Variants in PPFIA2 observed in about 807,000 individuals in gnomAD.
The protein encoded by PPFIA2 is liprin-alpha-2.
Under a neutral mutation model 175.5 loss-of-function variants are expected in PPFIA2, and 46 were observed. That is an observed-to-expected ratio of 0.26 (90% CI 0.21 to 0.34). The LOEUF is 0.34. Among genes scored for constraint, PPFIA2 ranks in the 10% least tolerant of loss-of-function variants. The pLI is 1.00. For synonymous variants in PPFIA2, 568 were observed against 511.4 expected, an observed-to-expected ratio of 1.11 and a Z score of -1.49; for missense variants, 1,179 against 1,506.1, an observed-to-expected ratio of 0.78 and a Z score of 3.60.
At chr12:81,454,993 C>A (rs1189079068) in intron 5 of PPFIA2, among the ~76,000 whole-genome samples, 1 of 152,138 alleles carries the variant, frequency 6.6e-6, no homozygotes, top group Non-Finnish European at 1.5e-5. Flanking sequence ...AGGTTACAGG[C>A]ATGTGCCACC....
At chr12:81,366,157 CATACAGTT>C (rs1244650289) in intron 14 of PPFIA2, among the ~76,000 whole-genome samples, 1 of 150,030 alleles carries the variant, frequency 6.7e-6, no homozygotes, top group Non-Finnish European at 1.5e-5. Flanking sequence ...CTTTTCTCAA[CATACAGTT>C]ATAGATCACT....
chr12:81,513,222 T>C (rs1227144642), intron 4 of PPFIA2, among the ~76,000 whole-genome samples: 1 of 152,008 alleles, frequency 6.6e-6, no homozygotes, highest in Non-Finnish European at 1.5e-5. Context: ...CTTGCAGGGA[T>C]GTACATAATT....
chr12:81,299,365 T>A lies in PPFIA2; in HGVS notation c.2660A>T (p.Glu887Val). 1.3e-6 allele frequency: 2 copies of A among 1,589,814 alleles called. No homozygotes were observed. The highest frequency in any genetic ancestry group is 2.3e-5 in the South Asian group (2 of 87,012). The change falls in exon 23 of 33, where the codon GAA (glutamate) becomes GTA (valine). Residue 887 changes from glutamate (E) to valine (V), a missense_variant. Glu to Val is a moderately radical substitution (Grantham distance 121). This residue lies in a region of PPFIA2 where 44 missense variants were observed against 81.3 expected (regional missense o/e 0.54). Transcript: ENST00000549396. ...RLKKKHELLEEARRKGLPFAQ... is the reference protein window; with the variant it reads ...RLKKKHELLEVARRKGLPFAQ... ...AAAAGGTAATCCCTTTCTCCGAGCT[T>A]CTTCAAGAAGTTCATGCCTGAAGTA...
chr12:81,663,562 T>C (rs967615548), intron 4 of PPFIA2, among the ~76,000 whole-genome samples: 3 of 152,156 alleles, frequency 2.0e-5, no homozygotes, highest in Admixed American at 2.0e-4. Context: ...TGGAAGAACA[T>C]TCCATGCTCA....
intron 7 of PPFIA2, among the ~76,000 whole-genome samples, chr12:81,434,073 T>C (rs1306692215): frequency 6.6e-6 from 1 of 151,852 alleles, no homozygotes; most frequent in Non-Finnish European, 1.5e-5. Flanking sequence ...TTAGGAAAAA[T>C]GTTGCCTTCT....
intron 7 of PPFIA2, chr12:81,430,193 T>C (rs12578559): frequency 0.32 from 48,125 of 151,902 alleles, 7,932 homozygotes; most frequent in East Asian, 0.5. Context: ...TTTCATGTCC[T>C]TCATTTGTGG....
chr12:81,624,599 T>C (rs1389023259), intron 4 of PPFIA2, among the ~76,000 whole-genome samples: 1 of 146,286 alleles, frequency 6.8e-6, no homozygotes, highest in Non-Finnish European at 1.5e-5. Context: ...ATATCATATA[T>C]TAATGATAAT....
At chr12:81,439,399 T>G (rs1247170735) in intron 7 of PPFIA2, among the ~76,000 whole-genome samples, 1 of 151,868 alleles carries the variant, frequency 6.6e-6, no homozygotes, top group Non-Finnish European at 1.5e-5. Flanking sequence ...TACCTAATTA[T>G]CCAAGATAAT....
At chr12:81,594,772 G>T (rs1403136544) in intron 4 of PPFIA2, among the ~76,000 whole-genome samples, 1 of 152,002 alleles carries the variant, frequency 6.6e-6, no homozygotes, top group Non-Finnish European at 1.5e-5. Flanking sequence ...AAGTAACTGG[G>T]TGTGGTGGTG....
intron 3 of PPFIA2, among the ~76,000 whole-genome samples, chr12:81,730,630 GAC>G (rs2080759320): frequency 6.6e-6 from 1 of 151,614 alleles, no homozygotes; most frequent in Non-Finnish European, 1.5e-5. Flanking sequence ...TTTGGGTGGG[GAC>G]ACAGAGCTAT....
At chr12:81,616,489 T>C (rs1311515419) in intron 4 of PPFIA2, among the ~76,000 whole-genome samples, 1 of 152,148 alleles carries the variant, frequency 6.6e-6, no homozygotes, top group East Asian at 1.9e-4. Context: ...CAAAACTTCA[T>C]TTTTACATAT....
intron 4 of PPFIA2, among the ~76,000 whole-genome samples, chr12:81,560,861 TAAATC>T (rs2069908057): frequency 6.6e-6 from 1 of 152,166 alleles, no homozygotes; most frequent in Non-Finnish European, 1.5e-5. Context: ...TTTAGAGAAA[TAAATC>T]TATCTGAAAA....
chr12:81,687,180 TTAAG>T (rs1482897061), intron 3 of PPFIA2, among the ~76,000 whole-genome samples: 2 of 152,066 alleles, frequency 1.3e-5, no homozygotes, highest in African/African-American at 4.8e-5. Context: ...CTCAAAATAC[TTAAG>T]TAAGGTCCCC....
chr12:81,265,361 T>C (rs2136215485), intron 30 of PPFIA2, among the ~76,000 whole-genome samples: 2 of 151,578 alleles, frequency 1.3e-5, no homozygotes, highest in East Asian at 3.9e-4. Context: ...GATTCCTGAC[T>C]TCTGTTCTTT....
intron 3 of PPFIA2, among the ~76,000 whole-genome samples, chr12:81,751,190 A>T (rs1402435909): frequency 6.6e-6 from 1 of 152,162 alleles, no homozygotes; most frequent in Non-Finnish European, 1.5e-5. Flanking sequence ...AGGGGTACTC[A>T]GATATTTATA....
Position 81,754,198 on chromosome 12 carries a change from C to T in PPFIA2, c.24G>A (p.Thr8=), listed in dbSNP as rs565852968. The T allele has an allele frequency of 7.5e-6, 12 of 1,606,676 alleles. No homozygotes were observed. The highest frequency in any genetic ancestry group is 4.5e-5 in the East Asian group (2 of 44,720). Residue 8 remains threonine, a synonymous_variant, in exon 3 of 33, where the codon ACG becomes ACA. Transcript: ENST00000549396. The part of the protein sequence containing the change: MMCEVMP[T]INEDTPMSQR... ...GGCTCATTGGGGTGTCCTCATTAAT[C>T]GTGGGCATCACTTCACACATCATTG...
intron 4 of PPFIA2, among the ~76,000 whole-genome samples, chr12:81,614,255 T>C (rs1361811833): frequency 6.6e-6 from 1 of 152,116 alleles, no homozygotes; most frequent in Non-Finnish European, 1.5e-5. Flanking sequence ...ATATGTGGTC[T>C]AAAAAACAGA....
chr12:81,636,680 T>C (rs978655245), intron 4 of PPFIA2, among the ~76,000 whole-genome samples: 3 of 151,802 alleles, frequency 2.0e-5, no homozygotes, highest in African/African-American at 7.3e-5. Context: ...TGAGACAGAG[T>C]CTTGTTCTGT....
At chr12:81,660,730 C>A (rs1456487107) in intron 4 of PPFIA2, among the ~76,000 whole-genome samples, 1 of 152,038 alleles carries the variant, frequency 6.6e-6, no homozygotes, top group East Asian at 1.9e-4. Flanking sequence ...AGAGCAACTC[C>A]AAGACACATA....
Sources: allele counts gnomAD v4.1 joint callset (sites outside exome capture counted in the v4.1 genomes callset), GRCh38; gene constraint gnomAD v4.1.1; regional missense constraint gnomAD v4.1.1; transcripts MANE v1.5; gene names NCBI Gene and HGNC (gene_info 2026-07-23, HGNC 2026-07-21).